FARS2: variants seen among roughly 807,000 people sequenced by gnomAD.
FARS2 encodes phenylalanyl-tRNA synthetase 2, mitochondrial.
A neutral mutation model predicts 46.4 loss-of-function variants in FARS2; 40 were observed. That is an observed-to-expected ratio of 0.86 (90% CI 0.67 to 1.12). The LOEUF (loss-of-function observed/expected upper bound fraction) is 1.12, where lower values mean the gene tolerates loss of function less well. Among genes scored for constraint, FARS2 ranks in the 50% most tolerant of loss-of-function variants. The pLI is 0.00. For synonymous variants in FARS2, 234 were observed against 214.9 expected (o/e 1.09, Z -0.78); for missense variants, 513 against 567.9 (o/e 0.90, Z 0.98).
chr6:5,656,698 A>G (rs1490102293), intron 6 of FARS2, among the ~76,000 whole-genome samples: 1 of 152,088 alleles, frequency 6.6e-6, no homozygotes, highest in Admixed American at 6.6e-5. Flanking sequence ...CTACAGGCGC[A>G]TACTACCACA....
At chr6:5,272,305 ATTG>A (rs1363294743) in intron 1 of FARS2, 1 of 140,138 alleles carries the variant, frequency 7.1e-6, no homozygotes, top group Non-Finnish European at 1.5e-5. Flanking sequence ...CGGTAGGTAT[ATTG>A]TTATAATTGT....
chr6:5,618,116 G>C (rs1181995293), intron 6 of FARS2, among the ~76,000 whole-genome samples: 4 of 152,204 alleles, frequency 2.6e-5, no homozygotes, highest in Non-Finnish European at 5.9e-5. Context: ...TTCCAATGAA[G>C]CTTTGACTAC....
At chr6:5,296,334 G>A (rs540998963) in intron 1 of FARS2, among the ~76,000 whole-genome samples, 35 of 151,802 alleles carry the variant, frequency 2.3e-4, no homozygotes, top group Middle Eastern at 3.4e-3. Context: ...GTAGAGATGG[G>A]GTTTCACTGT....
At chr6:5,673,350 A>G (rs980149520) in intron 6 of FARS2, among the ~76,000 whole-genome samples, 9 of 152,206 alleles carry the variant, frequency 5.9e-5, no homozygotes, top group Admixed American at 6.5e-5. Flanking sequence ...CACTTCTGCC[A>G]TCAGAAAGAC....
chr6:5,447,174 GGAGAACAGGC>G (rs1764229955), intron 4 of FARS2, among the ~76,000 whole-genome samples: 1 of 152,162 alleles, frequency 6.6e-6, no homozygotes, highest in South Asian at 2.1e-4. Context: ...TCAAAGACAA[GGAGAACAGGC>G]GAATTGTCTA....
chr6:5,501,269 A>G (rs35940054), intron 4 of FARS2, among the ~76,000 whole-genome samples: 33,683 of 152,012 alleles, frequency 0.22, 5,054 homozygotes, highest in Non-Finnish European at 0.33. Flanking sequence ...TTTCAGAGAT[A>G]TGCTCACTGT....
rs1477090638 is a variant in FARS2, at chr6:5,323,878, T to A, written c.-21-44672T>A. Among the ~76,000 whole-genome samples the A allele has an allele frequency of 2.0e-5, 3 of 152,198 alleles. No individual in the cohort carries two copies. The East Asian group carries it at 5.8e-4, about 29-fold the overall frequency. On this transcript the variant is annotated intron_variant, in intron 1 of 6. Coordinates refer to ENST00000274680, the MANE Select transcript of FARS2 (RefSeq NM_006567.5). Reference sequence around the variant, plus strand: ...GCATGACCATAAACCACAAATAACATCTTCAACCAGAAACGTTCCAAACTC... The same window carrying A: ...GCATGACCATAAACCACAAATAACAACTTCAACCAGAAACGTTCCAAACTC...
chr6:5,709,949 T>G (rs1253628120), intron 6 of FARS2, among the ~76,000 whole-genome samples: 2 of 152,180 alleles, frequency 1.3e-5, no homozygotes, highest in African/African-American at 4.8e-5. Context: ...GTGAAACTAA[T>G]CGTTCTCCTG....
At chr6:5,572,933 T>C (rs778121792) in intron 5 of FARS2, among the ~76,000 whole-genome samples, 3 of 152,226 alleles carry the variant, frequency 2.0e-5, no homozygotes, top group Non-Finnish European at 4.4e-5. Context: ...CTCATGTTAA[T>C]AGTTTAATGC....
At chr6:5,510,515 C>T (rs1045312238) in intron 4 of FARS2, among the ~76,000 whole-genome samples, 2 of 152,214 alleles carry the variant, frequency 1.3e-5, no homozygotes, top group East Asian at 1.9e-4. Flanking sequence ...CCTGAATGCC[C>T]GCCGCACGCC....
chr6:5,341,228 T>C (rs1771603118), intron 1 of FARS2, among the ~76,000 whole-genome samples: 1 of 8,934 alleles, frequency 1.1e-4, no homozygotes, highest in Non-Finnish European at 1.9e-4. Context: ...TATATATATA[T>C]ATATATATTT....
At chr6:5,455,122 G>T (rs984617934) in intron 4 of FARS2, among the ~76,000 whole-genome samples, 2 of 152,132 alleles carry the variant, frequency 1.3e-5, no homozygotes, top group African/African-American at 4.8e-5. Context: ...ACTTGTTTTT[G>T]ATGTCATTGT....
chr6:5,491,520 A>G (rs368790755), intron 4 of FARS2, among the ~76,000 whole-genome samples: 1 of 152,100 alleles, frequency 6.6e-6, no homozygotes, highest in African/African-American at 2.4e-5. Context: ...TCCAGCCTGC[A>G]CTCAAAACGT....
chr6:5,739,536 C>T (rs552705477), intron 6 of FARS2, among the ~76,000 whole-genome samples: 2 of 152,262 alleles, frequency 1.3e-5, no homozygotes, highest in African/African-American at 4.8e-5. Flanking sequence ...AATTTGTGAC[C>T]TGGGGCCCTC....
intron 5 of FARS2, among the ~76,000 whole-genome samples, chr6:5,606,552 G>A (rs1217695040): frequency 6.6e-6 from 1 of 152,110 alleles, no homozygotes; most frequent in African/African-American, 2.4e-5. Flanking sequence ...AAGAAGGAAA[G>A]GTGTTGGGAC....
chr6:5,614,519 C>G (rs1317483323), intron 6 of FARS2, among the ~76,000 whole-genome samples: 1 of 151,956 alleles, frequency 6.6e-6, no homozygotes. Flanking sequence ...ACGCCGTTCT[C>G]CTGCCTCAGC....
At chr6:5,597,604 A>T (rs1362137017) in intron 5 of FARS2, among the ~76,000 whole-genome samples, 1 of 152,176 alleles carries the variant, frequency 6.6e-6, no homozygotes, top group African/African-American at 2.4e-5. Context: ...TAACCAAGGC[A>T]TTGCAGGGAC....
chr6:5,410,152 TTTTTG>T (rs1010826992), intron 3 of FARS2, among the ~76,000 whole-genome samples: 9 of 114,530 alleles, frequency 7.9e-5, no homozygotes, highest in African/African-American at 3.1e-4. Flanking sequence ...TTTTTGTGTT[TTTTTG>T]TTTTTTTTTT....
rs1181147867 is a variant in FARS2 at position 5,471,120 on chromosome 6, A to G, written c.904+39948A>G. On this transcript the variant is annotated intron_variant, in intron 4 of 6. Transcript: ENST00000274680. The surrounding 1 kb of genome is among the most constrained non-coding windows in gnomAD (Gnocchi z 4.1). ...TGAACCCCACTGAGGGGTTTCAGCC[A>G]CTGAGAGACTGACCCAGAAGCAGCA... 6.6e-6 allele frequency among the ~76,000 whole-genome samples: 1 copy of G among 152,208 alleles called. No individual in the cohort carries two copies. Among genetic ancestry groups the G allele is most frequent in the Admixed American group, 6.5e-5 (1 of 15,280 alleles).
Sources: gnomAD v4.1 joint callset for allele counts (sites outside exome capture counted in the v4.1 genomes callset) on GRCh38, gnomAD v4.1.1 for gene constraint, Gnocchi (gnomAD v3.1) non-coding constraint, MANE v1.5 for transcripts, NCBI Gene and HGNC (gene_info 2026-07-23, HGNC 2026-07-21) for gene names.